Variants in CLEC12A observed in about 807,000 individuals in gnomAD.
CLEC12A encodes the protein C-type lectin domain family 12 member A.
In CLEC12A, 22 loss-of-function variants were observed where a neutral mutation model predicts 26.5. The ratio of observed to expected loss-of-function variants is 0.83; its 90% CI spans 0.59 to 1.19. The LOEUF (loss-of-function observed/expected upper bound fraction) is 1.19. Among genes scored for constraint, CLEC12A ranks in the 50% most tolerant of loss-of-function variants. The pLI is 0.00. For missense variants in CLEC12A, 353 were observed against 315.6 expected (o/e 1.12, Z -0.90); for synonymous variants, 119 against 101.9 (o/e 1.17, Z -1.01).
chr12:9,959,342 C>T (rs961553019), intron 1 of CLEC12A, among the ~76,000 whole-genome samples: 2 of 152,018 alleles, frequency 1.3e-5, no homozygotes, highest in Admixed American at 1.3e-4. Flanking sequence ...ACCCCAGCTA[C>T]TCTGGAGGCT....
chr12:9,979,531 T>C lies in CLEC12A; in HGVS notation c.379+7T>C, dbSNP rs750139666. 33 of 1,597,306 alleles carry C rather than the reference T, an allele frequency of 2.1e-5. No individual in the cohort carries two copies. Among genetic ancestry groups the C allele is most frequent in the Non-Finnish European group, 2.6e-5 (30 of 1,169,956 alleles). On this transcript the variant is annotated splice_region_variant and intron_variant, in intron 3 of 5. Coordinates refer to ENST00000304361, the MANE Select transcript of CLEC12A (RefSeq NM_138337.6). ...CTATATAGCAAAGAACAAGGTAATC[T>C]TGTATTCTCTTGGAGTTATTTATTG... is the stretch of plus-strand genomic sequence containing the variant.
the CLEC12A span, among the ~76,000 whole-genome samples, chr12:10,001,642 A>T: frequency 6.6e-6 from 1 of 152,192 alleles, no homozygotes; most frequent in Non-Finnish European, 1.5e-5. Flanking sequence ...ACATTCTATA[A>T]ATGTAAGTTG....
At chr12:9,997,788 A>C (rs1865088550), downstream of CLEC12A, among the ~76,000 whole-genome samples, 1 of 152,216 alleles carries the variant, frequency 6.6e-6, no homozygotes, top group Non-Finnish European at 1.5e-5. Flanking sequence ...CAACAACTAC[A>C]CAGACTTCAA....
chr12:9,965,255 G>T (rs200911123), intron 1 of CLEC12A, among the ~76,000 whole-genome samples: 2 of 151,624 alleles, frequency 1.3e-5, no homozygotes, highest in East Asian at 1.9e-4. Context: ...AATTCTGACT[G>T]CCCTAACCAT....
chr12:10,004,855 T>C, the CLEC12A span, among the ~76,000 whole-genome samples: 1 of 151,958 alleles, frequency 6.6e-6, no homozygotes, highest in Admixed American at 6.5e-5. Flanking sequence ...CATGTTGGTA[T>C]GCTGCACCCA....
chr12:9,952,187 C>T (rs1297654568), intron 1 of CLEC12A: 1 of 113,268 alleles, frequency 8.8e-6, no homozygotes, highest in Non-Finnish European at 1.9e-5. Context: ...CTCTCCCTCT[C>T]CCTCTCCGTC....
intron 4 of CLEC12A, chr12:9,994,870 C>A: frequency 1.5e-6 from 1 of 658,340 alleles, no homozygotes; most frequent in Non-Finnish European, 2.3e-6. Flanking sequence ...CACATACATG[C>A]ACACAGTGTT....
intron 1 of CLEC12A, among the ~76,000 whole-genome samples, chr12:9,957,655 C>T (rs192078168): frequency 1.8e-3 from 273 of 152,240 alleles, no homozygotes; most frequent in African/African-American, 6.4e-3. Context: ...AGTGAATCTG[C>T]ATTTTTATAC....
downstream of CLEC12A, chr12:9,998,953 T>C (rs1456446678): frequency 2.5e-6 from 2 of 795,944 alleles, no homozygotes; most frequent in Admixed American, 2.2e-5. Flanking sequence ...AAACTATATA[T>C]ATTATCAATA....
upstream of CLEC12A, among the ~76,000 whole-genome samples, chr12:9,967,795 G>T (rs571977762): frequency 4.5e-4 from 68 of 152,186 alleles, no homozygotes; most frequent in Non-Finnish European, 8.4e-4. Context: ...GGGGTTGGGG[G>T]TTCTTGCTCC....
At chr12:9,958,446 A>G (rs1300978696) in intron 1 of CLEC12A, among the ~76,000 whole-genome samples, 1 of 152,230 alleles carries the variant, frequency 6.6e-6, no homozygotes, top group East Asian at 1.9e-4. Flanking sequence ...CTCCAGATGA[A>G]GCAACAGATA....
chr12:9,993,189 A>C (rs760320045), intron 4 of CLEC12A: 2 of 1,612,570 alleles, frequency 1.2e-6, no homozygotes, highest in South Asian at 2.2e-5. Flanking sequence ...CCTCTCACAC[A>C]TTAAATAATG....
At chr12:10,002,544 C>G in the CLEC12A span, among the ~76,000 whole-genome samples, 11 of 89,830 alleles carry the variant, frequency 1.2e-4, no homozygotes, top group African/African-American at 2.1e-4. Context: ...CCGGGTTCAC[C>G]CCATTCTCCT....
At chr12:9,993,461 A>C (rs1465167530) in intron 4 of CLEC12A, 2 of 615,268 alleles carry the variant, frequency 3.3e-6, no homozygotes, top group African/African-American at 3.7e-5. Context: ...TGGCAGTACA[A>C]GATATGCATA....
chr12:9,988,805 C>T (rs964628155), downstream of CLEC12A, among the ~76,000 whole-genome samples: 12 of 152,156 alleles, frequency 7.9e-5, no homozygotes, highest in South Asian at 1.2e-3. Context: ...GTCAGTGTGG[C>T]GATTCCTCAG....
chr12:9,996,558 A>G (rs1174151551), downstream of CLEC12A, among the ~76,000 whole-genome samples: 1 of 151,764 alleles, frequency 6.6e-6, no homozygotes, highest in African/African-American at 2.4e-5. Context: ...AGAGGACACA[A>G]ATAAATATGA....
At chr12:9,983,951 C>A in intron 5 of CLEC12A, 1 of 195,712 alleles carries the variant, frequency 5.1e-6, no homozygotes, top group Non-Finnish European at 1.1e-5. Flanking sequence ...GGAGAGAGTA[C>A]AGATGGAATC....
chr12:9,985,452 C>T lies in CLEC12A; in HGVS notation c.*426C>T. The T allele has an allele frequency of 2.5e-6, 1 of 399,386 alleles. No individual in the cohort carries two copies. The highest frequency in any genetic ancestry group is 3.6e-5 in the East Asian group (1 of 28,090). 24.7% of individuals were successfully genotyped at this position (399,386 alleles called of 1,614,324 possible). ...TCCATCCTATACTTCCATGGGACTCCCTATGGCTGAAGGCCTTATGAGTCA... is the reference window on the plus strand; with the variant it reads ...TCCATCCTATACTTCCATGGGACTCTCTATGGCTGAAGGCCTTATGAGTCA... On this transcript the variant is annotated 3_prime_UTR_variant, in exon 6 of 6. Transcript: ENST00000304361.
At position 9,980,638 on chromosome 12, in the gene CLEC12A, T is replaced by C; in HGVS notation, c.436T>C (p.Phe146Leu). ...RWIWHKDSCY[F>L]LSDDVQTWQE... Reference sequence around the variant, plus strand: ...GATTTGGCATAAGGACAGCTGTTATTTCCTAAGTGATGATGTCCAAACATG... The same window carrying C: ...GATTTGGCATAAGGACAGCTGTTATCTCCTAAGTGATGATGTCCAAACATG... Residue 146 changes from phenylalanine (F) to leucine (L), a missense_variant, in exon 4 of 6, where the codon TTC (phenylalanine) becomes CTC (leucine). Transcript: ENST00000304361. 6.2e-7 allele frequency: 1 copy of C among 1,613,916 alleles called. No individual in the cohort carries two copies. The highest frequency in any genetic ancestry group is 8.5e-7 in the Non-Finnish European group (1 of 1,179,860).
Sources: gnomAD v4.1 joint callset for allele counts (sites outside exome capture counted in the v4.1 genomes callset) on GRCh38, gnomAD v4.1.1 for gene constraint, MANE v1.5 for transcripts, NCBI Gene and HGNC (gene_info 2026-07-23, HGNC 2026-07-21) for gene names.